The following LINGO2 variants were observed in gnomAD, a reference collection of about 807,000 sequenced individuals.
LINGO2 encodes the protein leucine-rich repeat and immunoglobulin-like domain-containing nogo receptor-interacting protein 2.
Under a neutral mutation model 30.6 loss-of-function variants are expected in LINGO2, and 14 were observed. The ratio of observed to expected loss-of-function variants is 0.46; its 90% CI spans 0.30 to 0.72. The LOEUF (loss-of-function observed/expected upper bound fraction) is 0.72, where lower values mean the gene tolerates loss of function less well. Ranked by LOEUF, LINGO2 falls within the 30% of genes least tolerant of loss-of-function variation. The pLI, the probability that LINGO2 is intolerant of heterozygous loss-of-function variation, is 0.07. For missense variants in LINGO2, 729 were observed against 751.7 expected (o/e 0.97, Z 0.35); for synonymous variants, 317 against 288.5 (o/e 1.10, Z -1.00).
intron 4 of LINGO2, among the ~76,000 whole-genome samples, chr9:28,199,385 C>T (rs928046664): frequency 2.7e-5 from 4 of 150,486 alleles, no homozygotes; most frequent in African/African-American, 9.8e-5. Context: ...TGTCGCCAGG[C>T]TGGAGTGCAG....
chr9:28,298,008 A>C (rs1330251818), intron 3 of LINGO2, among the ~76,000 whole-genome samples: 1 of 152,204 alleles, frequency 6.6e-6, no homozygotes, highest in Non-Finnish European at 1.5e-5. Context: ...ACAAAATTAA[A>C]TGCATGTATT....
At chr9:28,170,243 C>A (rs1186848686) in intron 4 of LINGO2, among the ~76,000 whole-genome samples, 1 of 152,156 alleles carries the variant, frequency 6.6e-6, no homozygotes, top group East Asian at 1.9e-4. Context: ...ATACAATGAA[C>A]AGACACTACA....
At chr9:28,561,782 A>T (rs76153315) in intron 1 of LINGO2, among the ~76,000 whole-genome samples, 47,431 of 72,030 alleles carry the variant, frequency 0.66, 15,570 homozygotes, top group East Asian at 0.89. Flanking sequence ...TATATATATA[A>T]AAAATATGCT....
At chr9:28,857,395 A>T in the LINGO2 span, among the ~76,000 whole-genome samples, 1 of 152,078 alleles carries the variant, frequency 6.6e-6, no homozygotes, top group African/African-American at 2.4e-5. Context: ...TCTGTTCATA[A>T]CAGCTTTATG....
chr9:29,195,677 T>C, the LINGO2 span, among the ~76,000 whole-genome samples: 165 of 152,134 alleles, frequency 1.1e-3, 1 homozygote, highest in African/African-American at 3.7e-3. Context: ...AAGTATCAAA[T>C]AGAAAAAAAT....
the LINGO2 span, among the ~76,000 whole-genome samples, chr9:28,770,663 C>G: frequency 6.6e-6 from 1 of 152,220 alleles, no homozygotes; most frequent in African/African-American, 2.4e-5. Flanking sequence ...AGAAAATTCT[C>G]TATAAACTAT....
chr9:28,365,877 C>G lies in LINGO2; in HGVS notation c.-246+6959G>C, dbSNP rs368647606. On this transcript the variant is annotated intron_variant, in intron 3 of 5. Transcript: ENST00000379992. ...AGAGGCAGAGGCAGAGTGGGCAGAG[C>G]ATATGTACAAGTCAGGGTCTGTCTG... Among the ~76,000 whole-genome samples, 31 of 150,706 alleles carry G rather than the reference C, an allele frequency of 2.1e-4. No homozygotes were observed. The East Asian group carries it at 3.9e-3, about 19-fold the overall frequency.
the LINGO2 span, among the ~76,000 whole-genome samples, chr9:29,163,461 G>C: frequency 1.3e-5 from 2 of 152,118 alleles, no homozygotes; most frequent in Admixed American, 6.6e-5. Context: ...AAAGAGATTA[G>C]AGTCTAATAA....
chr9:28,025,345 T>C (rs2119412231), intron 4 of LINGO2, among the ~76,000 whole-genome samples: 1 of 152,350 alleles, frequency 6.6e-6, no homozygotes, highest in African/African-American at 2.4e-5. Flanking sequence ...CATACATAAT[T>C]CATGTCCTGT....
chr9:28,826,271 A>G, the LINGO2 span, among the ~76,000 whole-genome samples: 1 of 152,204 alleles, frequency 6.6e-6, no homozygotes, highest in Non-Finnish European at 1.5e-5. Context: ...ACTGGCTGTT[A>G]CAGTAAGAAA....
the LINGO2 span, among the ~76,000 whole-genome samples, chr9:29,102,363 G>A: frequency 3.3e-5 from 5 of 152,108 alleles, no homozygotes; most frequent in Admixed American, 6.5e-5. Flanking sequence ...TTACAGGCGT[G>A]AGCCACCACA....
At chr9:29,149,828 A>G in the LINGO2 span, among the ~76,000 whole-genome samples, 2 of 152,234 alleles carry the variant, frequency 1.3e-5, no homozygotes, top group Non-Finnish European at 2.9e-5. Flanking sequence ...TCCTCTGAGT[A>G]GCTCTAACCT....
intron 5 of LINGO2, among the ~76,000 whole-genome samples, chr9:27,970,967 C>T (rs1274770681): frequency 6.7e-6 from 1 of 149,704 alleles, no homozygotes; most frequent in African/African-American, 2.5e-5. Context: ...CATGAGTTTC[C>T]CAATGTCAAG....
chr9:28,873,765 T>C, the LINGO2 span, among the ~76,000 whole-genome samples: 3 of 152,160 alleles, frequency 2.0e-5, no homozygotes, highest in African/African-American at 7.2e-5. Flanking sequence ...TAGCTGTTTT[T>C]ATTTAGTAGT....
the LINGO2 span, among the ~76,000 whole-genome samples, chr9:28,866,282 C>T: frequency 1.3e-5 from 2 of 151,920 alleles, no homozygotes; most frequent in Non-Finnish European, 2.9e-5. Flanking sequence ...AATGAATTAC[C>T]ATATTGAATG....
At chr9:28,624,818 C>T (rs998385109) in intron 1 of LINGO2, among the ~76,000 whole-genome samples, 1 of 151,104 alleles carries the variant, frequency 6.6e-6, no homozygotes, top group Admixed American at 6.6e-5. Context: ...TGTCTGGTGC[C>T]CTTACTCTAC....
chr9:28,888,583 A>G, the LINGO2 span, among the ~76,000 whole-genome samples: 30 of 152,206 alleles, frequency 2.0e-4, no homozygotes, highest in East Asian at 5.4e-3. Flanking sequence ...CACTGGCACC[A>G]TTCATTTCAT....
At chr9:28,371,702 T>A (rs1564156538) in intron 3 of LINGO2, among the ~76,000 whole-genome samples, 2 of 152,166 alleles carry the variant, frequency 1.3e-5, no homozygotes, top group South Asian at 2.1e-4. Context: ...GTGTTCTATC[T>A]CAGAGGCCAG....
intron 3 of LINGO2, among the ~76,000 whole-genome samples, chr9:28,358,009 T>G (rs1230396348): frequency 6.6e-6 from 1 of 152,154 alleles, no homozygotes; most frequent in East Asian, 1.9e-4. Context: ...TTTATTGCTT[T>G]AAAATCTAGA....
Sources: gnomAD v4.1 joint callset for allele counts (sites outside exome capture counted in the v4.1 genomes callset) on GRCh38, gnomAD v4.1.1 for gene constraint, MANE v1.5 for transcripts, NCBI Gene and HGNC (gene_info 2026-07-23, HGNC 2026-07-21) for gene names.